The following KIRREL3 variants were observed in gnomAD, a reference collection of about 807,000 sequenced individuals.
KIRREL3 encodes kirre like nephrin family adhesion molecule 3, also known as kin of IRRE-like protein 3.
KIRREL3 carries 36 observed loss-of-function variants against 89.7 expected under a neutral mutation model. The ratio of observed to expected loss-of-function variants is 0.40; its 90% CI spans 0.31 to 0.53. The LOEUF (loss-of-function observed/expected upper bound fraction) is 0.53. KIRREL3 is among the 20% of genes least tolerant of loss of function. KIRREL3 has a pLI of 0.49. For synonymous variants in KIRREL3, 445 were observed against 441.4 expected, an observed-to-expected ratio of 1.01 and a Z score of -0.10; for missense variants, 864 against 1,056.6, an observed-to-expected ratio of 0.82 and a Z score of 2.53.
chr11:126,910,895 G>GTGATGC (rs1314151150), intron 1 of KIRREL3, among the ~76,000 whole-genome samples: 1 of 152,260 alleles, frequency 6.6e-6, no homozygotes, highest in Non-Finnish European at 1.5e-5. Context: ...AGGCCCAGCA[G>GTGATGC]TGATGCTGGA....
intron 1 of KIRREL3, among the ~76,000 whole-genome samples, chr11:126,712,579 G>A (rs568887335): frequency 1.3e-5 from 2 of 152,300 alleles, no homozygotes; most frequent in Non-Finnish European, 2.9e-5. Context: ...CTCCGGGTGC[G>A]GGAAACTTTC....
At chr11:126,821,854 C>T (rs1943237338) in intron 1 of KIRREL3, among the ~76,000 whole-genome samples, 1 of 152,068 alleles carries the variant, frequency 6.6e-6, no homozygotes, top group Non-Finnish European at 1.5e-5. Context: ...GCCAAGGAAT[C>T]CAGGCAGCCT....
At position 126,896,309 on chromosome 11, in the gene KIRREL3, T is replaced by C. The variant is rs1326909285; in HGVS notation, c.55+104146A>G. Among the ~76,000 whole-genome samples, 1 of 152,192 alleles carries C rather than the reference T, an allele frequency of 6.6e-6. No individual in the cohort carries two copies. Among genetic ancestry groups the C allele is most frequent in the African/African-American group, 2.4e-5 (1 of 41,442 alleles). On this transcript the variant is annotated intron_variant, in intron 1 of 16. Coordinates refer to ENST00000525144, the MANE Select transcript of KIRREL3 (RefSeq NM_032531.4). This position sits in a 1 kb window ranked among gnomAD's most constrained non-coding sequence, Gnocchi z 4.1. Reference sequence around the variant, plus strand: ...CTCTGCTAGTCTGCAAGGATGAACATGGTCCATGAGAAATAGCAGCATCTC... The same window carrying C: ...CTCTGCTAGTCTGCAAGGATGAACACGGTCCATGAGAAATAGCAGCATCTC...
intron 1 of KIRREL3, among the ~76,000 whole-genome samples, chr11:126,598,442 A>T (rs1942498656): frequency 6.6e-6 from 1 of 152,182 alleles, no homozygotes; most frequent in African/African-American, 2.4e-5. Flanking sequence ...ATATTCAGAG[A>T]TCACTGGTAG....
chr11:126,732,494 C>T (rs1376674961), intron 1 of KIRREL3, among the ~76,000 whole-genome samples: 2 of 152,168 alleles, frequency 1.3e-5, no homozygotes, highest in Non-Finnish European at 2.9e-5. Context: ...GACTAGATGA[C>T]GTTTTCTACT....
At chr11:126,698,568 G>C (rs189550983) in intron 1 of KIRREL3, among the ~76,000 whole-genome samples, 225 of 152,356 alleles carry the variant, frequency 1.5e-3, no homozygotes, top group Non-Finnish European at 1.9e-3. Flanking sequence ...CAAGTCATAA[G>C]AGCATCTGCT....
chr11:126,748,964 C>G lies in KIRREL3; in HGVS notation c.56-186052G>C, dbSNP rs554327578. Among the ~76,000 whole-genome samples, 2 of 152,176 alleles carry G rather than the reference C, an allele frequency of 1.3e-5. No individual in the cohort carries two copies. The highest frequency in any genetic ancestry group is 2.4e-5 in the African/African-American group (1 of 41,438). On this transcript the variant is annotated intron_variant, in intron 1 of 16. Coordinates refer to ENST00000525144, the MANE Select transcript of KIRREL3 (RefSeq NM_032531.4). The surrounding 1 kb of genome is among the most constrained non-coding windows in gnomAD (Gnocchi z 4.6). Reference sequence around the variant, plus strand: ...TTAGGTCCTCTTATGTGACCTCCATCCAGCCTTCCTGGGCCTTCTTAGACT... The same window carrying G: ...TTAGGTCCTCTTATGTGACCTCCATGCAGCCTTCCTGGGCCTTCTTAGACT...
In KIRREL3 at chr11:126,782,862, A is replaced by G. The variant is rs1540243; in HGVS notation, c.55+217593T>C. On this transcript the variant is annotated intron_variant, in intron 1 of 16. Transcript: ENST00000525144. This position sits in a 1 kb window ranked among gnomAD's most constrained non-coding sequence, Gnocchi z 4.1. ...GAGAAAGCCTACTAGCAACAACATTACAGTAGCAACAAGCACACCTAACAA... is the reference window on the plus strand; with the variant it reads ...GAGAAAGCCTACTAGCAACAACATTGCAGTAGCAACAAGCACACCTAACAA... Among the ~76,000 whole-genome samples, 42,799 of 152,110 alleles carry G rather than the reference A, an allele frequency of 0.28. 6,396 individuals are homozygous for G. Among genetic ancestry groups the G allele is most frequent in the African/African-American group, 0.35 (14,328 of 41,442 alleles).
rs1166999096 is a variant in KIRREL3, at chr11:126,484,868, T to G, written c.434-11402A>C. On this transcript the variant is annotated intron_variant, in intron 4 of 16. Transcript: ENST00000525144. This position sits in a 1 kb window ranked among gnomAD's most constrained non-coding sequence, Gnocchi z 5.2. Reference sequence around the variant, plus strand: ...CTCGCTCTTGTCACCCAGGCTGGAGTGCAATGGCACAATGTAGGCTCACTG... The same window carrying G: ...CTCGCTCTTGTCACCCAGGCTGGAGGGCAATGGCACAATGTAGGCTCACTG... Among the ~76,000 whole-genome samples, 1 of 148,844 alleles carries G rather than the reference T, an allele frequency of 6.7e-6. No individual in the cohort carries two copies. Among genetic ancestry groups the G allele is most frequent in the African/African-American group, 2.5e-5 (1 of 40,168 alleles).
chr11:126,990,239 T>C lies in KIRREL3; in HGVS notation c.55+10216A>G, dbSNP rs2135274431. 6.6e-6 allele frequency among the ~76,000 whole-genome samples: 1 copy of C among 152,236 alleles called. No homozygotes were observed. Among genetic ancestry groups the C allele is most frequent in the Non-Finnish European group, 1.5e-5 (1 of 68,002 alleles). ...GGCTGAGCTTCCTCGCTCCCTCTCT[T>C]TGAAGCTCTCTCAAGCCCCTCTGAG... is the stretch of plus-strand genomic sequence containing the variant. On this transcript the variant is annotated intron_variant, in intron 1 of 16. Coordinates refer to ENST00000525144, the MANE Select transcript of KIRREL3 (RefSeq NM_032531.4). This position sits in a 1 kb window ranked among gnomAD's most constrained non-coding sequence, Gnocchi z 6.3.
rs1949770842 is a variant in KIRREL3, at chr11:126,983,501, T to G, written c.55+16954A>C. On this transcript the variant is annotated intron_variant, in intron 1 of 16. Transcript: ENST00000525144. The surrounding 1 kb of genome is among the most constrained non-coding windows in gnomAD (Gnocchi z 4.9). ...AGAGAGAGATTTTCCTAAATTACCC[T>G]CTGTGGTCTGATATAATCACTTGGT... Among the ~76,000 whole-genome samples, 1 of 152,194 alleles carries G rather than the reference T, an allele frequency of 6.6e-6. No homozygotes were observed. The highest frequency in any genetic ancestry group is 1.5e-5 in the Non-Finnish European group (1 of 68,030).
intron 1 of KIRREL3, among the ~76,000 whole-genome samples, chr11:126,660,818 T>C (rs1308896997): frequency 6.6e-6 from 1 of 152,156 alleles, no homozygotes; most frequent in African/African-American, 2.4e-5. Context: ...CAATAAAAGA[T>C]GCAATATGGT....
Position 126,490,505 on chromosome 11 carries a change from A to T in KIRREL3, c.434-17039T>A, listed in dbSNP as rs1203340891. On this transcript the variant is annotated intron_variant, in intron 4 of 16. Transcript: ENST00000525144. The surrounding 1 kb of genome is among the most constrained non-coding windows in gnomAD (Gnocchi z 4.2). ...TGGGGGCTGAGATACAACCTCAGTG[A>T]ACAAGCCACTGGGCCAGGGATGCAG... 6.6e-6 allele frequency among the ~76,000 whole-genome samples: 1 copy of T among 152,010 alleles called. No homozygotes were observed. The highest frequency in any genetic ancestry group is 1.5e-5 in the Non-Finnish European group (1 of 67,986).
rs746491712 is a variant in KIRREL3, at chr11:126,521,481, C to T, written c.284-17G>A. On this transcript the variant is annotated splice_polypyrimidine_tract_variant and intron_variant, in intron 3 of 16. Transcript: ENST00000525144. This position sits in a 1 kb window ranked among gnomAD's most constrained non-coding sequence, Gnocchi z 4.1. ...GTGGGTAACCTGTGGAGACAACAGG[C>T]AGGTCAGGGAGCTGGGGTGGGGTGG... The T allele has an allele frequency of 5.7e-6, 9 of 1,574,608 alleles. No individual in the cohort carries two copies. Among genetic ancestry groups the T allele is most frequent in the Non-Finnish European group, 7.8e-6 (9 of 1,160,428 alleles).
chr11:126,895,579 T>A (rs1214468125), intron 1 of KIRREL3, among the ~76,000 whole-genome samples: 1 of 151,924 alleles, frequency 6.6e-6, no homozygotes, highest in Non-Finnish European at 1.5e-5. Context: ...CCTTTGGGAT[T>A]CTCCTGCCAT....
intron 2 of KIRREL3, among the ~76,000 whole-genome samples, chr11:126,552,536 G>A (rs1199464016): frequency 6.7e-6 from 1 of 149,870 alleles, no homozygotes; most frequent in Non-Finnish European, 1.5e-5. Context: ...GCATCACACA[G>A]GGGAGAGAGA....
At chr11:126,497,435 C>T (rs1445082486) in intron 4 of KIRREL3, among the ~76,000 whole-genome samples, 6 of 152,134 alleles carry the variant, frequency 3.9e-5, no homozygotes, top group Non-Finnish European at 7.3e-5. Context: ...GAGGCCTTTC[C>T]GGTAATTTGA....
At chr11:126,450,742 AGT>A (rs764925249) in intron 7 of KIRREL3, among the ~76,000 whole-genome samples, 4 of 124,384 alleles carry the variant, frequency 3.2e-5, no homozygotes, top group Admixed American at 7.9e-5. Context: ...GGCATGTGTG[AGT>A]GTGGGCATGT....
rs550225232 is a variant in KIRREL3 at position 126,475,011 on chromosome 11, C to A, written c.434-1545G>T. Among the ~76,000 whole-genome samples, 1 of 152,300 alleles carries A rather than the reference C, an allele frequency of 6.6e-6. No homozygotes were observed. The highest frequency in any genetic ancestry group is 2.4e-5 in the African/African-American group (1 of 41,568). On this transcript the variant is annotated intron_variant, in intron 4 of 16. Coordinates refer to ENST00000525144, the MANE Select transcript of KIRREL3 (RefSeq NM_032531.4). The surrounding 1 kb of genome is among the most constrained non-coding windows in gnomAD (Gnocchi z 7.5). ...CCTGTTTCCCTTACCCCAGGAGGAG[C>A]TGGGCCCACCAGCTCTGGAGGCTGA...
Sources: gnomAD v4.1 joint callset for allele counts (sites outside exome capture counted in the v4.1 genomes callset) on GRCh38, gnomAD v4.1.1 for gene constraint, Gnocchi (gnomAD v3.1) non-coding constraint, MANE v1.5 for transcripts, NCBI Gene and HGNC (gene_info 2026-07-23, HGNC 2026-07-21) for gene names.